The following RUFY1 variants were observed in gnomAD, a reference collection of about 807,000 sequenced individuals.
The protein encoded by RUFY1 is RUN and FYVE domain-containing protein 1.
A neutral mutation model predicts 94.6 loss-of-function variants in RUFY1; 54 were observed. The observed-to-expected ratio is 0.57, with a 90% CI of 0.46 to 0.72. The LOEUF (loss-of-function observed/expected upper bound fraction) is 0.72, where lower values mean the gene tolerates loss of function less well. Ranked by LOEUF, RUFY1 falls within the 30% of genes least tolerant of loss-of-function variation. The probability of loss-of-function intolerance (pLI) is 0.00; values close to 1 mark genes in which losing one functional copy is unlikely to be tolerated. For missense variants in RUFY1, 883 were observed against 883.9 expected, an observed-to-expected ratio of 1.00 and a Z score of 0.01; for synonymous variants, 396 against 347.3, an observed-to-expected ratio of 1.14 and a Z score of -1.56.
intron 1 of RUFY1, among the ~76,000 whole-genome samples, chr5:179,559,498 G>A (rs966163065): frequency 3.3e-5 from 5 of 152,218 alleles, no homozygotes; most frequent in African/African-American, 4.8e-5. Context: ...GAGAAGGCTG[G>A]AAAAGCCTTC....
At chr5:179,609,225 A>AAAAG in intron 17 of RUFY1, 151 bp from the exon 18 acceptor site, 1 of 609,428 alleles carries the variant, frequency 1.6e-6, no homozygotes, top group South Asian at 2.4e-5. Flanking sequence ...AAAAAAAAAA[A>AAAAG]GACCCTTGTT....
chr5:179,564,412 GC>G (rs1213875777), intron 3 of RUFY1, among the ~76,000 whole-genome samples: 1 of 147,542 alleles, frequency 6.8e-6, no homozygotes, highest in Non-Finnish European at 1.5e-5. Flanking sequence ...GAACCACTGT[GC>G]CTGGCTGTTT....
At chr5:179,569,497 G>T in intron 5 of RUFY1, 72 bp downstream of exon 5, 4 of 1,501,410 alleles carry the variant, frequency 2.7e-6, no homozygotes, top group South Asian at 1.1e-5. Context: ...CTGCAAACAG[G>T]TACTGAACCC....
At chr5:179,604,110 G>A (rs148595651) in intron 15 of RUFY1, among the ~76,000 whole-genome samples, 377 of 152,274 alleles carry the variant, frequency 2.5e-3, no homozygotes, top group African/African-American at 8.5e-3. Flanking sequence ...TGGCACTACC[G>A]GCTAACCTAG....
At chr5:179,569,533 C>A in intron 5 of RUFY1, 108 bp downstream of exon 5, 1 of 1,134,014 alleles carries the variant, frequency 8.8e-7, no homozygotes. Flanking sequence ...GCAAAGAGCC[C>A]ACTGGTAGAG....
chr5:179,562,516 T>G, intron 2 of RUFY1, 31 bp from the exon 3 acceptor site: 2 of 1,409,592 alleles, frequency 1.4e-6, no homozygotes, highest in Non-Finnish European at 2.0e-6. Flanking sequence ...CAACCTGTTC[T>G]TATGAATAAC....
intron 12 of RUFY1, chr5:179,596,240 T>C (rs1292920559): frequency 5.2e-6 from 2 of 384,492 alleles, no homozygotes; most frequent in South Asian, 2.3e-5. Flanking sequence ...GAAACTTGGA[T>C]TGATCTCCAA....
chr5:179,561,700 T>TTTTGTTTG (rs1554114744), intron 2 of RUFY1, among the ~76,000 whole-genome samples: 10 of 95,614 alleles, frequency 1.0e-4, no homozygotes, highest in African/African-American at 4.3e-4. Context: ...TTTTTTTTTT[T>TTTTGTTTG]TTTGAAGAGT....
At chr5:179,552,803 G>A (rs973128082) in intron 1 of RUFY1, among the ~76,000 whole-genome samples, 13 of 152,180 alleles carry the variant, frequency 8.5e-5, no homozygotes, top group African/African-American at 3.1e-4. Context: ...AATAATAAGT[G>A]TTTGCTGAAC....
At chr5:179,601,848 C>T (rs780785968) in intron 14 of RUFY1, 44 bp from the exon 15 acceptor site, 71 of 1,025,222 alleles carry the variant, frequency 6.9e-5, no homozygotes, top group Admixed American at 4.5e-4. Flanking sequence ...AAAAAAGGAC[C>T]GTGTAATCCT....
intron 14 of RUFY1, among the ~76,000 whole-genome samples, chr5:179,600,959 G>GT (rs1211798889): frequency 2.6e-5 from 4 of 151,758 alleles, no homozygotes. Flanking sequence ...CAGCCTCCCA[G>GT]TGCTGGGATT....
chr5:179,609,341 G>T (rs200817874), intron 17 of RUFY1, 35 bp from the exon 18 acceptor site: 3 of 1,604,060 alleles, frequency 1.9e-6, no homozygotes, highest in African/African-American at 2.7e-5. Flanking sequence ...GCTTTTCCCC[G>T]GGTGTCCTGT....
At position 179,550,670 on chromosome 5, in the gene RUFY1, A is replaced by C. The variant is rs561876430; in HGVS notation, c.101A>C (p.Glu34Ala). ...CCCGGGTCAGCGCTTGAGCCGGGAG[A>C]AGAGTTTGAGATCGTGGACCGAAGC... ...PGPGSALEPG[E>A]EFEIVDRSQL... The change falls in exon 1 of 18, where the codon GAA (glutamate) becomes GCA (alanine). Residue 34 changes from glutamate (E) to alanine (A), a missense_variant. Physicochemically the swap from Glu to Ala is moderately radical, Grantham distance 107 (BLOSUM62 -1). Coordinates refer to ENST00000319449, the MANE Select transcript of RUFY1 (RefSeq NM_025158.5). 8.0e-6 allele frequency: 12 copies of C among 1,492,490 alleles called. No homozygotes were observed. In the South Asian group the frequency reaches 1.5e-4, roughly 19 times the overall value. 92.5% of individuals were successfully genotyped at this position (1,492,490 alleles called of 1,614,324 possible). A position where few individuals can be genotyped will look rare whatever the true frequency, so the allele number is the denominator to read the frequency against.
intron 5 of RUFY1, among the ~76,000 whole-genome samples, chr5:179,576,104 C>T (rs1181437651): frequency 6.6e-6 from 1 of 152,082 alleles, no homozygotes; most frequent in Non-Finnish European, 1.5e-5. Flanking sequence ...GCAAATGTAT[C>T]TACTGCGTTC....
rs555784136 is a variant in RUFY1, at chr5:179,561,335, A to T, written c.484+1137A>T. Reference sequence around the variant, plus strand: ...AGGTGTGCTAAGTGTGCTGAGGGAGAGGAGGGGAGGACATGAGGTCAGGGG... The same window carrying T: ...AGGTGTGCTAAGTGTGCTGAGGGAGTGGAGGGGAGGACATGAGGTCAGGGG... On this transcript the variant is annotated intron_variant, in intron 2 of 17. Transcript: ENST00000319449. Among the ~76,000 whole-genome samples the T allele has an allele frequency of 4.0e-4, 61 of 152,090 alleles. No homozygotes were observed. In the South Asian group the frequency reaches 0.012, roughly 31 times the overall value.
chr5:179,555,769 A>C, intron 1 of RUFY1: 1 of 324,780 alleles, frequency 3.1e-6, no homozygotes, highest in South Asian at 2.2e-5. Context: ...CTGGGATTAC[A>C]AGCATGCACC....
intron 1 of RUFY1, among the ~76,000 whole-genome samples, chr5:179,553,581 C>T (rs893070815): frequency 2.0e-5 from 3 of 151,428 alleles, no homozygotes; most frequent in African/African-American, 7.3e-5. Flanking sequence ...GTCAGGAGTT[C>T]GAGACCAACC....
intron 15 of RUFY1, 37 bp from the exon 16 acceptor site, chr5:179,605,839 T>A: frequency 7.0e-7 from 1 of 1,430,592 alleles, no homozygotes; most frequent in Non-Finnish European, 9.8e-7. Flanking sequence ...CCTCACTCTC[T>A]CTCACTGCTA....
intron 2 of RUFY1, among the ~76,000 whole-genome samples, chr5:179,561,979 C>T (rs570815036): frequency 2.6e-5 from 4 of 151,252 alleles, no homozygotes; most frequent in South Asian, 2.1e-4. Context: ...CCACTGTGCC[C>T]GGCTGAGGCG....
Sources: gnomAD v4.1 joint callset for allele counts (sites outside exome capture counted in the v4.1 genomes callset) on GRCh38, gnomAD v4.1.1 for gene constraint, MANE v1.5 for transcripts, NCBI Gene and HGNC (gene_info 2026-07-23, HGNC 2026-07-21) for gene names.